FGF19: variants seen among roughly 807,000 people sequenced by gnomAD.
The protein encoded by FGF19 is FGF-19.
FGF19 carries 5 observed loss-of-function variants against 8.9 expected under a neutral mutation model. The ratio of observed to expected loss-of-function variants is 0.56; its 90% confidence interval spans 0.29 to 1.18. The LOEUF (loss-of-function observed/expected upper bound fraction) is 1.18, where lower values mean the gene tolerates loss of function less well. Ranked by LOEUF, FGF19 falls within the 50% of genes most tolerant of loss-of-function variation. The probability of loss-of-function intolerance (pLI) is 0.08; values close to 1 mark genes in which losing one functional copy is unlikely to be tolerated. For synonymous variants in FGF19, 124 were observed against 128.0 expected, an observed-to-expected ratio of 0.97 and a Z score of 0.21; for missense variants, 237 against 293.9, an observed-to-expected ratio of 0.81 and a Z score of 1.42.
chr11:69,703,128 T>G lies in FGF19; in HGVS notation c.336+133A>C, dbSNP rs1854795047. Reference sequence around the variant, plus strand: ...GGTCTTTGCAATCTTTCCCTCGAAGTTGCACGCGGGTCTGGGCGGAGGAGG... The same window carrying G: ...GGTCTTTGCAATCTTTCCCTCGAAGGTGCACGCGGGTCTGGGCGGAGGAGG... On this transcript the variant is annotated intron_variant, in intron 2 of 2. Coordinates refer to ENST00000294312, the MANE Select transcript of FGF19 (RefSeq NM_005117.3). This position sits in a 1 kb window ranked among gnomAD's most constrained non-coding sequence, Gnocchi z 6.8. The G allele has an allele frequency of 1.8e-6, 1 of 566,032 alleles. No individual in the cohort carries two copies. The highest frequency in any genetic ancestry group is 3.1e-6 in the Non-Finnish European group (1 of 323,012). The allele number at this position is 566,032 out of a possible 1,614,324, so 35.1% of individuals were successfully genotyped here.
Position 69,699,543 on chromosome 11 carries a change from C to T in FGF19, c.370G>A (p.Glu124Lys). 1 of 1,613,730 alleles carries T rather than the reference C, an allele frequency of 6.2e-7. No homozygotes were observed. Among genetic ancestry groups the T allele is most frequent in the Non-Finnish European group, 8.5e-7 (1 of 1,179,748 alleles). Residue 124 changes from glutamate (E) to lysine (K), a missense_variant, in exon 3 of 3, where the codon GAG becomes AAG. By Grantham distance (56) the Glu-to-Lys change is moderately conservative. Coordinates refer to ENST00000294312, the MANE Select transcript of FGF19 (RefSeq NM_005117.3). ...QYSEEDCAFE[E>K]EIRPDGYNVY... Reference sequence around the variant, plus strand: ...TTGTAGCCATCTGGGCGGATCTCCTCCTCGAAAGCACAGTCTTCCTCCGAG... The same window carrying T: ...TTGTAGCCATCTGGGCGGATCTCCTTCTCGAAAGCACAGTCTTCCTCCGAG...
intron 2 of FGF19, among the ~76,000 whole-genome samples, chr11:69,701,412 C>T (rs1854770179): frequency 6.6e-6 from 1 of 151,728 alleles, no homozygotes; most frequent in Admixed American, 6.6e-5. Context: ...CCAGCCTGGC[C>T]AGGATGGTGA....
At position 69,703,717 on chromosome 11, in the gene FGF19, C is replaced by T. The variant is rs1005963395; in HGVS notation, c.160G>A (p.Gly54Arg). ...LRHLYTSGPH[G>R]LSSCFLRIRA... ...ATGCGCAGGAAGCAGCTGGAGAGCCCGTGGGGGCCGGAGGTGTACAGGTGC... is the reference window on the plus strand; with the variant it reads ...ATGCGCAGGAAGCAGCTGGAGAGCCTGTGGGGGCCGGAGGTGTACAGGTGC... The change falls in exon 1 of 3, where the codon GGG becomes AGG. Residue 54 changes from glycine to arginine, a missense_variant. Gly to Arg is a moderately radical substitution (Grantham distance 125). Transcript: ENST00000294312. The surrounding 1 kb of genome is among the most constrained non-coding windows in gnomAD (Gnocchi z 6.8). The T allele has an allele frequency of 9.7e-6, 12 of 1,233,408 alleles. No homozygotes were observed. The highest frequency in any genetic ancestry group is 1.2e-5 in the Non-Finnish European group (12 of 988,818). 76.4% of individuals were successfully genotyped at this position (1,233,408 alleles called of 1,614,324 possible). A position where few individuals can be genotyped will look rare whatever the true frequency, so the allele number is the denominator to read the frequency against.
Position 69,703,656 on chromosome 11 carries a change from T to C in FGF19, c.221A>G (p.Gln74Arg). 8.1e-7 allele frequency: 1 copy of C among 1,231,820 alleles called. No homozygotes were observed. The highest frequency in any genetic ancestry group is 1.0e-6 in the Non-Finnish European group (1 of 988,116). The allele number at this position is 1,231,820 out of a possible 1,614,324, so 76.3% of individuals were successfully genotyped here. ...ADGVVDCARG[Q>R]SAHSLLEIKA... ...TGGCGGGCACTCACTGTGCGCGCTC[T>C]GGCCCCGCGCGCAGTCCACGACGCC... Residue 74 changes from glutamine (Q) to arginine (R), a missense_variant, in exon 1 of 3, where the codon CAG (glutamine) becomes CGG (arginine). Coordinates refer to ENST00000294312, the MANE Select transcript of FGF19 (RefSeq NM_005117.3). This position sits in a 1 kb window ranked among gnomAD's most constrained non-coding sequence, Gnocchi z 6.8.
Position 69,703,414 on chromosome 11 carries a change from C to A in FGF19, c.233-50G>T, listed in dbSNP as rs1355384206. The stretch of plus-strand genomic sequence containing the variant: ...TGCAGCAAGGACCGCTGGGCCCGCA[C>A]CACGTGGGTGCGGTCGGTCCACAAG... On this transcript the variant is annotated intron_variant, in intron 1 of 2. Coordinates refer to ENST00000294312, the MANE Select transcript of FGF19 (RefSeq NM_005117.3). The surrounding 1 kb of genome is among the most constrained non-coding windows in gnomAD (Gnocchi z 6.8). The A allele has an allele frequency of 7.0e-7, 1 of 1,429,850 alleles. No homozygotes were observed. The highest frequency in any genetic ancestry group is 9.7e-7 in the Non-Finnish European group (1 of 1,035,498). 88.6% of individuals were successfully genotyped at this position (1,429,850 alleles called of 1,614,324 possible). A position where few individuals can be genotyped will look rare whatever the true frequency, so the allele number is the denominator to read the frequency against.
Position 69,703,203 on chromosome 11 carries a change from GC to G in FGF19, c.336+57del. The stretch of plus-strand genomic sequence containing the variant: ...GCGCCTTTCTCTCCTTCAGGCCTCC[GC>G]CCGGGGACAGGCGCCGGTCCCCCGC... On this transcript the variant is annotated intron_variant, in intron 2 of 2. Transcript: ENST00000294312. The surrounding 1 kb of genome is among the most constrained non-coding windows in gnomAD (Gnocchi z 6.8). 1 of 1,265,272 alleles carries G rather than the reference GC, an allele frequency of 7.9e-7. No individual in the cohort carries two copies. The highest frequency in any genetic ancestry group is 2.2e-5 in the Admixed American group (1 of 46,502). The allele number at this position is 1,265,272 out of a possible 1,614,324, so 78.4% of individuals were successfully genotyped here. A position where few individuals can be genotyped will look rare whatever the true frequency, so the allele number is the denominator to read the frequency against.
In FGF19 at chr11:69,699,708, T is replaced by C. The variant is rs1035770417; in HGVS notation, c.337-132A>G. 1.3e-5 allele frequency: 8 copies of C among 628,680 alleles called. No homozygotes were observed. The Admixed American group carries it at 2.4e-4, about 19-fold the overall frequency. 38.9% of individuals were successfully genotyped at this position (628,680 alleles called of 1,614,324 possible). On this transcript the variant is annotated intron_variant, in intron 2 of 2. Coordinates refer to ENST00000294312, the MANE Select transcript of FGF19 (RefSeq NM_005117.3). ...TTCCACATAAGCATCACTTGCATGT[T>C]TTATACATACTTCCTGATGTACACA...
intron 2 of FGF19, among the ~76,000 whole-genome samples, chr11:69,701,157 T>C (rs1352138752): frequency 6.6e-6 from 1 of 152,178 alleles, no homozygotes; most frequent in African/African-American, 2.4e-5. Context: ...CTCCCAAAAA[T>C]GCCAAATGAT....
rs1400350130 is a variant in FGF19 at position 69,699,226 on chromosome 11, C to T, written c.*36G>A. The T allele has an allele frequency of 6.6e-7, 1 of 1,511,190 alleles. No individual in the cohort carries two copies. Among genetic ancestry groups the T allele is most frequent in the Non-Finnish European group, 9.0e-7 (1 of 1,107,158 alleles). 93.6% of individuals were successfully genotyped at this position (1,511,190 alleles called of 1,614,324 possible). On this transcript the variant is annotated 3_prime_UTR_variant, in exon 3 of 3. Coordinates refer to ENST00000294312, the MANE Select transcript of FGF19 (RefSeq NM_005117.3). ...CCCCCACGCTGCAGGTACCACAGCC[C>T]CTGGCAGCAGTGAAGAGGCCCGGGC...
chr11:69,703,508 A>G lies in FGF19; in HGVS notation c.232+137T>C, dbSNP rs575836131. 226 of 798,202 alleles carry G rather than the reference A, an allele frequency of 2.8e-4. No homozygotes were observed. The African/African-American group carries it at 3.6e-3, about 13-fold the overall frequency. 49.4% of individuals were successfully genotyped at this position (798,202 alleles called of 1,614,324 possible). A position where few individuals can be genotyped will look rare whatever the true frequency, so the allele number is the denominator to read the frequency against. ...GAGGGATCCTAACGTCCAGGTGCCA[A>G]AACCTGGGGTTCCCAGGAGTTGAGG... On this transcript the variant is annotated intron_variant, in intron 1 of 2. Coordinates refer to ENST00000294312, the MANE Select transcript of FGF19 (RefSeq NM_005117.3). This position sits in a 1 kb window ranked among gnomAD's most constrained non-coding sequence, Gnocchi z 6.8.
chr11:69,701,191 G>A (rs910607781), intron 2 of FGF19, among the ~76,000 whole-genome samples: 11 of 152,350 alleles, frequency 7.2e-5, no homozygotes, highest in South Asian at 6.2e-4. Context: ...ACACAAAACC[G>A]AATGATTGGA....
intron 2 of FGF19, among the ~76,000 whole-genome samples, chr11:69,700,054 A>G (rs1854751953): frequency 6.6e-6 from 1 of 151,828 alleles, no homozygotes; most frequent in Non-Finnish European, 1.5e-5. Context: ...ATGCCACTGC[A>G]CTCTAGTCTG....
Position 69,703,395 on chromosome 11 carries a change from A to C in FGF19, c.233-31T>G. On this transcript the variant is annotated intron_variant, in intron 1 of 2. Transcript: ENST00000294312. The surrounding 1 kb of genome is among the most constrained non-coding windows in gnomAD (Gnocchi z 6.8). ...CGCAGGGGAAGCGAGAAGCTGCAGCAAGGACCGCTGGGCCCGCACCACGTG... is the reference window on the plus strand; with the variant it reads ...CGCAGGGGAAGCGAGAAGCTGCAGCCAGGACCGCTGGGCCCGCACCACGTG... 6.5e-7 allele frequency: 1 copy of C among 1,539,226 alleles called. No individual in the cohort carries two copies. Among genetic ancestry groups the C allele is most frequent in the Non-Finnish European group, 8.9e-7 (1 of 1,128,626 alleles).
Position 69,699,319 on chromosome 11 carries a change from G to A in FGF19, c.594C>T (p.Asp198=), listed in dbSNP as rs2119905142. The change falls in exon 3 of 3, where the codon GAC becomes GAT. Residue 198 remains aspartate (D), a synonymous_variant. Coordinates refer to ENST00000294312, the MANE Select transcript of FGF19 (RefSeq NM_005117.3). ...FSSPLETDSM[D]PFGLVTGLEA... is the part of the protein sequence containing the mutation. The stretch of plus-strand genomic sequence containing the variant: ...CCAGTCCGGTGACAAGCCCAAATGG[G>A]TCCATGCTGTCGGTCTCCAGGGGCG... 1.2e-6 allele frequency: 2 copies of A among 1,614,172 alleles called. No individual in the cohort carries two copies. The highest frequency in any genetic ancestry group is 2.7e-5 in the African/African-American group (2 of 75,040).
chr11:69,699,794 T>C (rs775498323), intron 2 of FGF19, among the ~76,000 whole-genome samples: 4 of 152,148 alleles, frequency 2.6e-5, no homozygotes, highest in Non-Finnish European at 5.9e-5. Context: ...TAATATATAA[T>C]GTACTTTAAG....
Position 69,702,483 on chromosome 11 carries a change from C to A in FGF19, c.336+778G>T, listed in dbSNP as rs990766319. 6.6e-6 allele frequency among the ~76,000 whole-genome samples: 1 copy of A among 152,092 alleles called. No individual in the cohort carries two copies. The highest frequency in any genetic ancestry group is 2.1e-4 in the South Asian group (1 of 4,834). On this transcript the variant is annotated intron_variant, in intron 2 of 2. Transcript: ENST00000294312. The surrounding 1 kb of genome is among the most constrained non-coding windows in gnomAD (Gnocchi z 4.6). Reference sequence around the variant, plus strand: ...ACACAGCCTCCTCTGCGCGCGGGGCCGCGGGAGGGGCGCGGGTTCGTTCCT... The same window carrying A: ...ACACAGCCTCCTCTGCGCGCGGGGCAGCGGGAGGGGCGCGGGTTCGTTCCT...
At chr11:69,700,766 C>CCCAGGCCAGGCCAGG (rs149065170) in intron 2 of FGF19, among the ~76,000 whole-genome samples, 4 of 151,196 alleles carry the variant, frequency 2.6e-5, no homozygotes, top group Middle Eastern at 3.2e-3. Flanking sequence ...CAGCCCCTCC[C>CCCAGGCCAGGCCAGG]CCAGGCCAGG....
At position 69,701,795 on chromosome 11, in the gene FGF19, C is replaced by G. The variant is rs536776138; in HGVS notation, c.336+1466G>C. 4.0e-4 allele frequency among the ~76,000 whole-genome samples: 60 copies of G among 151,602 alleles called. 1 individual carries two copies. In the South Asian group the frequency reaches 0.012, roughly 31 times the overall value. On this transcript the variant is annotated intron_variant, in intron 2 of 2. Transcript: ENST00000294312. Reference sequence around the variant, plus strand: ...GCCTGGCCACCAACATGGTGAAACCCCATCTCTACCCAAAATACAAAAGGT... The same window carrying G: ...GCCTGGCCACCAACATGGTGAAACCGCATCTCTACCCAAAATACAAAAGGT...
chr11:69,702,726 G>C lies in FGF19; in HGVS notation c.336+535C>G, dbSNP rs190158402. On this transcript the variant is annotated intron_variant, in intron 2 of 2. Transcript: ENST00000294312. The surrounding 1 kb of genome is among the most constrained non-coding windows in gnomAD (Gnocchi z 4.6). ...TGCGTCTAAGCCACACCGTGCTCCTGGTAGATTAAAAATTAATTCTAAAAA... is the reference window on the plus strand; with the variant it reads ...TGCGTCTAAGCCACACCGTGCTCCTCGTAGATTAAAAATTAATTCTAAAAA... 2.5e-3 allele frequency among the ~76,000 whole-genome samples: 374 copies of C among 152,090 alleles called. 3 individuals carry two copies. Among genetic ancestry groups the C allele is most frequent in the African/African-American group, 8.5e-3 (352 of 41,458 alleles).
Sources: gnomAD v4.1 joint callset for allele counts (sites outside exome capture counted in the v4.1 genomes callset) on GRCh38, gnomAD v4.1.1 for gene constraint, Gnocchi (gnomAD v3.1) non-coding constraint, MANE v1.5 for transcripts, NCBI Gene and HGNC (gene_info 2026-07-23, HGNC 2026-07-21) for gene names.